Variants in NQO1 observed in about 807,000 individuals in gnomAD.
NQO1 encodes the protein NAD(P)H quinone dehydrogenase 1.
Under a neutral mutation model 32.1 loss-of-function variants are expected in NQO1, and 30 were observed. The ratio of observed to expected loss-of-function variants is 0.94; its 90% CI spans 0.70 to 1.27. The LOEUF (loss-of-function observed/expected upper bound fraction) is 1.27. Ranked by LOEUF, NQO1 falls within the 50% of genes most tolerant of loss-of-function variation. The pLI is 0.00. For missense variants in NQO1, 276 were observed against 331.3 expected (o/e 0.83, Z 1.30); for synonymous variants, 109 against 119.7 (o/e 0.91, Z 0.59).
In NQO1 at chr16:69,720,132, G is replaced by GC. The variant is rs2038169890; in HGVS notation, c.8-1599dup. Reference sequence around the variant, plus strand: ...AAATTAGCTGGGCATGGTGGTGTATGCCTGTAGTCCCAACTACTCAGGAGG... The same window carrying GC: ...AAATTAGCTGGGCATGGTGGTGTATGCCCTGTAGTCCCAACTACTCAGGAGG... On this transcript the variant is annotated intron_variant, in intron 1 of 5. Transcript: ENST00000320623. 1.1e-4 allele frequency among the ~76,000 whole-genome samples: 16 copies of GC among 152,192 alleles called. No individual in the cohort carries two copies. The South Asian group carries it at 3.3e-3, about 32-fold the overall frequency.
intron 1 of NQO1, among the ~76,000 whole-genome samples, chr16:69,719,647 C>G (rs1296539876): frequency 6.6e-6 from 1 of 152,150 alleles, no homozygotes; most frequent in South Asian, 2.1e-4. Flanking sequence ...GTAGCGGGCA[C>G]CTGTAATCCC....
chr16:69,709,560 T>C lies in NQO1; in HGVS notation c.*1416A>G. 1 of 388,476 alleles carries C rather than the reference T, an allele frequency of 2.6e-6. No homozygotes were observed. The highest frequency in any genetic ancestry group is 4.5e-6 in the Non-Finnish European group (1 of 220,192). The allele number at this position is 388,476 out of a possible 1,614,324, so 24.1% of individuals were successfully genotyped here. A position where few individuals can be genotyped will look rare whatever the true frequency, so the allele number is the denominator to read the frequency against. On this transcript the variant is annotated 3_prime_UTR_variant, in exon 6 of 6. Coordinates refer to ENST00000320623, the MANE Select transcript of NQO1 (RefSeq NM_000903.3). ...CGAGAGCAAAAACCACCAGTGCCAG[T>C]CAGCATCTGGTAAAGGAGGTTTTCC...
intron 3 of NQO1, among the ~76,000 whole-genome samples, chr16:69,715,698 G>C (rs752501684): frequency 1.3e-5 from 2 of 152,214 alleles, no homozygotes; most frequent in South Asian, 2.1e-4. Flanking sequence ...AACCCGGGAG[G>C]TGGAGGTTAC....
chr16:69,717,973 T>G lies in NQO1; in HGVS notation c.303+150A>C. On this transcript the variant is annotated intron_variant, in intron 3 of 5. Coordinates refer to ENST00000320623, the MANE Select transcript of NQO1 (RefSeq NM_000903.3). ...AGATTCCCAATATCTGTGAAATCCATGTAATACTGCACCTTTAAAGTAATC... is the reference window on the plus strand; with the variant it reads ...AGATTCCCAATATCTGTGAAATCCAGGTAATACTGCACCTTTAAAGTAATC... 3 of 1,120,332 alleles carry G rather than the reference T, an allele frequency of 2.7e-6. No individual in the cohort carries two copies. The South Asian group carries it at 4.5e-5, about 17-fold the overall frequency. 69.4% of individuals were successfully genotyped at this position (1,120,332 alleles called of 1,614,324 possible).
chr16:69,714,878 T>TCAAA lies in NQO1; in HGVS notation c.417+82_417+85dup, dbSNP rs71534276. 7.3e-4 allele frequency: 700 copies of TCAAA among 954,966 alleles called. 1 individual carries two copies. Among genetic ancestry groups the TCAAA allele is most frequent in the Non-Finnish European group, 9.9e-4 (589 of 597,382 alleles). The allele number at this position is 954,966 out of a possible 1,614,324, so 59.2% of individuals were successfully genotyped here. A position where few individuals can be genotyped will look rare whatever the true frequency, so the allele number is the denominator to read the frequency against. Reference sequence around the variant, plus strand: ...TGGGCAACAAGAGGGAAGCTCCATCTCAAACAAACAAACAAACAAACACCC... The same window carrying TCAAA: ...TGGGCAACAAGAGGGAAGCTCCATCTCAAACAAACAAACAAACAAACAAACACCC... On this transcript the variant is annotated intron_variant, in intron 4 of 5. Coordinates refer to ENST00000320623, the MANE Select transcript of NQO1 (RefSeq NM_000903.3).
rs994618089 is a variant in NQO1 at position 69,713,190 on chromosome 16, G to A, written c.418-61C>T. The stretch of plus-strand genomic sequence containing the variant: ...CTCCACATCCCCTTGGTGACAAGAA[G>A]TTAATGAAACAGCTCCAGGGAAAAG... On this transcript the variant is annotated intron_variant, in intron 4 of 5. Coordinates refer to ENST00000320623, the MANE Select transcript of NQO1 (RefSeq NM_000903.3). 7.2e-6 allele frequency: 9 copies of A among 1,255,094 alleles called. No individual in the cohort carries two copies. The African/African-American group carries it at 1.3e-4, about 19-fold the overall frequency. The allele number at this position is 1,255,094 out of a possible 1,614,324, so 77.7% of individuals were successfully genotyped here. A position where few individuals can be genotyped will look rare whatever the true frequency, so the allele number is the denominator to read the frequency against.
chr16:69,715,100 G>A, intron 3 of NQO1, 23 bp from the exon 4 acceptor site: 1 of 1,587,402 alleles, frequency 6.3e-7, no homozygotes, highest in Non-Finnish European at 8.6e-7. Flanking sequence ...AGACATCATT[G>A]AGGTAAGACC....
chr16:69,710,711 T>TCGGTGGAGGACGTATTA lies in NQO1; in HGVS notation c.*264_*265insTAATACGTCCTCCACCG. On this transcript the variant is annotated 3_prime_UTR_variant, in exon 6 of 6. Coordinates refer to ENST00000320623, the MANE Select transcript of NQO1 (RefSeq NM_000903.3). ...AGAGGAATTAAATTGTGTAGATGCC[T>TCGGTGGAGGACGTATTA]TTAAAGAACATTTTTCTAGCATCTT... 1 of 417,400 alleles carries TCGGTGGAGGACGTATTA rather than the reference T, an allele frequency of 2.4e-6. No homozygotes were observed. Among genetic ancestry groups the TCGGTGGAGGACGTATTA allele is most frequent in the South Asian group, 3.7e-5 (1 of 26,838 alleles). The allele number at this position is 417,400 out of a possible 1,614,324, so 25.9% of individuals were successfully genotyped here.
intron 1 of NQO1, 112 bp from the exon 2 acceptor site, chr16:69,718,646 G>C: frequency 2.0e-6 from 2 of 990,000 alleles, no homozygotes; most frequent in Non-Finnish European, 1.5e-6. Flanking sequence ...TTGACATTAG[G>C]TTATTGCATT....
chr16:69,717,928 C>T, intron 3 of NQO1, 195 bp downstream of exon 3: 2 of 831,850 alleles, frequency 2.4e-6, no homozygotes, highest in Non-Finnish European at 3.7e-6. Flanking sequence ...TGCATTTACA[C>T]ATGCAACAGT....
chr16:69,712,852 A>G (rs895135076), intron 5 of NQO1, among the ~76,000 whole-genome samples, 176 bp downstream of exon 5: 2 of 152,174 alleles, frequency 1.3e-5, no homozygotes. Context: ...TAAAAAATAC[A>G]AAAATTAGCC....
chr16:69,715,213 G>A, intron 3 of NQO1, 136 bp from the exon 4 acceptor site: 1 of 657,264 alleles, frequency 1.5e-6, no homozygotes. Context: ...TCCTCCTGGG[G>A]AGTTAGCACT....
chr16:69,718,446 C>T lies in NQO1; in HGVS notation c.96G>A (p.Lys32=), dbSNP rs202247099. Residue 32 remains lysine (K), a synonymous_variant, in exon 2 of 6, where the codon AAG becomes AAA. Transcript: ENST00000320623. Reference sequence around the variant, plus strand: ...CCGACTCCACCACCTCCCATCCTTTCTTCTTCAAAGCCGCTGCAGCAGCCT... The same window carrying T: ...CCGACTCCACCACCTCCCATCCTTTTTTCTTCAAAGCCGCTGCAGCAGCCT... ...MKEAAAAALK[K]KGWEVVESDL... The T allele has an allele frequency of 6.2e-7, 1 of 1,614,046 alleles. No homozygotes were observed. Among genetic ancestry groups the T allele is most frequent in the Non-Finnish European group, 8.5e-7 (1 of 1,180,012 alleles).
chr16:69,721,187 G>A (rs118176310), intron 1 of NQO1, among the ~76,000 whole-genome samples: 5,727 of 152,076 alleles, frequency 0.038, 147 homozygotes, highest in Non-Finnish European at 0.052. Context: ...AACCACGCCC[G>A]GCCTGCACTT....
rs756894085 is a variant in NQO1, at chr16:69,714,995, T to G, written c.386A>C (p.Tyr129Ser). The G allele has an allele frequency of 6.2e-7, 1 of 1,613,684 alleles. No homozygotes were observed. The highest frequency in any genetic ancestry group is 1.1e-5 in the South Asian group (1 of 91,062). The change falls in exon 4 of 6, where the codon TAC (tyrosine) becomes TCC (serine). Residue 129 changes from tyrosine (Y) to serine (S), a missense_variant. By Grantham distance (144) the Tyr-to-Ser change is moderately radical. Coordinates refer to ENST00000320623, the MANE Select transcript of NQO1 (RefSeq NM_000903.3). ...RVFIGEFAYT[Y>S]AAMYDKGPFR... ...GGGTCCTTTGTCATACATGGCAGCG[T>G]AAGTGTAAGCAAACTCTCCTATGAA...
At chr16:69,711,703 G>C (rs2151742235) in intron 5 of NQO1, among the ~76,000 whole-genome samples, 1 of 150,606 alleles carries the variant, frequency 6.6e-6, no homozygotes, top group Non-Finnish European at 1.5e-5. Context: ...GTCCAGGCTG[G>C]AGTGCCATGG....
chr16:69,717,489 TTCGCTAACTGAAGGAA>T (rs71151125), intron 3 of NQO1, among the ~76,000 whole-genome samples: 75,277 of 151,004 alleles, frequency 0.5, 20,083 homozygotes, highest in Non-Finnish European at 0.61. Context: ...AACCGCAGGA[TTCGCTAACTGAAGGAA>T]TCGCTAACTG....
Position 69,714,978 on chromosome 16 carries a change from T to G in NQO1, c.403A>C (p.Lys135Gln), listed in dbSNP as rs1597598181. The G allele has an allele frequency of 7.4e-6, 12 of 1,613,224 alleles. No homozygotes were observed. In the East Asian group the frequency reaches 2.7e-4, roughly 36 times the overall value. Residue 135 changes from lysine (K) to glutamine (Q), a missense_variant, in exon 4 of 6, where the codon AAA (lysine) becomes CAA (glutamine). Transcript: ENST00000320623. ...FAYTYAAMYD[K>Q]GPFRSKKAVL... ...CATCCACCTACCCGGAAGGGTCCTT[T>G]GTCATACATGGCAGCGTAAGTGTAA...
At chr16:69,724,123 G>A (rs2038229377) in intron 1 of NQO1, among the ~76,000 whole-genome samples, 1 of 151,994 alleles carries the variant, frequency 6.6e-6, no homozygotes, top group Non-Finnish European at 1.5e-5. Flanking sequence ...AGACCAGCCT[G>A]GCCAACATGG....
Sources: allele counts gnomAD v4.1 joint callset (sites outside exome capture counted in the v4.1 genomes callset), GRCh38; gene constraint gnomAD v4.1.1; transcripts MANE v1.5; gene names NCBI Gene and HGNC (gene_info 2026-07-23, HGNC 2026-07-21).